Variants in PDLIM3 observed in about 807,000 individuals in gnomAD.
The protein encoded by PDLIM3 is PDZ and LIM domain 3.
In PDLIM3, 36 loss-of-function variants were observed where a neutral mutation model predicts 37.3. The ratio of observed to expected loss-of-function variants is 0.97; its 90% CI spans 0.74 to 1.28. PDLIM3 has a LOEUF of 1.28. Ranked by LOEUF, PDLIM3 falls within the 50% of genes most tolerant of loss-of-function variation. The pLI, the probability that PDLIM3 is intolerant of heterozygous loss-of-function variation, is 0.00. For synonymous variants in PDLIM3, 174 were observed against 182.4 expected, an observed-to-expected ratio of 0.95 and a Z score of 0.37; for missense variants, 454 against 485.0, an observed-to-expected ratio of 0.94 and a Z score of 0.60.
At chr4:185,532,674 TG>T (rs1212820600) in intron 1 of PDLIM3, among the ~76,000 whole-genome samples, 1 of 152,178 alleles carries the variant, frequency 6.6e-6, no homozygotes, top group Non-Finnish European at 1.5e-5. Context: ...GGATAGGAGA[TG>T]GTGAAAAGTC....
rs201237568 is a variant in PDLIM3 at position 185,508,581 on chromosome 4, G to A, written c.399-19C>T. The A allele has an allele frequency of 4.1e-5, 66 of 1,612,444 alleles. 1 individual carries two copies. Among genetic ancestry groups the A allele is most frequent in the African/African-American group, 4.0e-4 (30 of 74,896 alleles). Reference sequence around the variant, plus strand: ...GCATCCACTGTGTTAATGGATACACGTTACACAGAGATGGCACCGGGAGCC... The same window carrying A: ...GCATCCACTGTGTTAATGGATACACATTACACAGAGATGGCACCGGGAGCC... On this transcript the variant is annotated intron_variant, in intron 4 of 7. Transcript: ENST00000284767.
chr4:185,534,657 A>C (rs985964522), intron 1 of PDLIM3, among the ~76,000 whole-genome samples: 3 of 152,252 alleles, frequency 2.0e-5, no homozygotes, highest in African/African-American at 7.2e-5. Context: ...ACTTTGCATC[A>C]GGTAAACTAA....
Position 185,506,833 on chromosome 4 carries a change from T to C in PDLIM3, c.663-181A>G, listed in dbSNP as rs2095698399. 6.7e-6 allele frequency: 4 copies of C among 597,930 alleles called. No individual in the cohort carries two copies. In the South Asian group the frequency reaches 8.5e-5, roughly 13 times the overall value. 37.0% of individuals were successfully genotyped at this position (597,930 alleles called of 1,614,324 possible). A position where few individuals can be genotyped will look rare whatever the true frequency, so the allele number is the denominator to read the frequency against. ...CATAATGTGAATTCAAATGGCTGCC[T>C]TGGAAATGTCATTGAACAACAAATC... On this transcript the variant is annotated intron_variant, in intron 5 of 7. Coordinates refer to ENST00000284767, the MANE Select transcript of PDLIM3 (RefSeq NM_014476.6).
At chr4:185,530,601 A>G (rs1395428784) in intron 1 of PDLIM3, among the ~76,000 whole-genome samples, 1 of 152,172 alleles carries the variant, frequency 6.6e-6, no homozygotes, top group African/African-American at 2.4e-5. Flanking sequence ...GCCTCCCCTT[A>G]TTCACGGTTT....
chr4:185,515,002 T>C (rs1580249814), intron 3 of PDLIM3: 7 of 824,746 alleles, frequency 8.5e-6, no homozygotes, highest in East Asian at 5.5e-5. Flanking sequence ...CACGACGAGA[T>C]TGACGGAAAG....
intron 5 of PDLIM3, chr4:185,507,046 GCACT>G (rs1326064978): frequency 5.8e-6 from 1 of 172,060 alleles, no homozygotes; most frequent in African/African-American, 2.4e-5. Context: ...GCAGCAGTGA[GCACT>G]CAGATTATTC....
At chr4:185,532,168 A>G (rs2095745695) in intron 1 of PDLIM3, among the ~76,000 whole-genome samples, 1 of 152,160 alleles carries the variant, frequency 6.6e-6, no homozygotes, top group African/African-American at 2.4e-5. Flanking sequence ...TTTGTGAAAT[A>G]TTTTTGAGAA....
chr4:185,509,637 G>T (rs764681035), intron 4 of PDLIM3, among the ~76,000 whole-genome samples: 17 of 152,132 alleles, frequency 1.1e-4, no homozygotes, highest in Non-Finnish European at 1.9e-4. Context: ...AAAGCAAAAA[G>T]AAATATTAGT....
At chr4:185,529,303 T>C (rs2095739720) in intron 1 of PDLIM3, among the ~76,000 whole-genome samples, 2 of 152,156 alleles carry the variant, frequency 1.3e-5, no homozygotes, top group Admixed American at 6.5e-5. Context: ...CATCAACTTA[T>C]ATTACTTGGA....
chr4:185,515,083 T>A (rs1334736929), intron 3 of PDLIM3: 1 of 440,206 alleles, frequency 2.3e-6, no homozygotes, highest in African/African-American at 2.0e-5. Context: ...TATTCACCGA[T>A]CAAATGTTAA....
chr4:185,522,156 A>G (rs1312814336), intron 3 of PDLIM3, among the ~76,000 whole-genome samples: 2 of 66,946 alleles, frequency 3.0e-5, no homozygotes, highest in Admixed American at 1.7e-4. Flanking sequence ...CGTAATAGCA[A>G]TGAAGAAGGC....
intron 4 of PDLIM3, among the ~76,000 whole-genome samples, chr4:185,510,044 T>C (rs1200484490): frequency 2.0e-5 from 3 of 152,176 alleles, no homozygotes; most frequent in East Asian, 1.9e-4. Context: ...AATCTGTACA[T>C]TGTTTAGATC....
In PDLIM3 at chr4:185,514,800, C is replaced by A. The variant is rs1356610865; in HGVS notation, c.331-463G>T. The A allele has an allele frequency of 6.4e-7, 1 of 1,551,722 alleles. No homozygotes were observed. The highest frequency in any genetic ancestry group is 8.7e-7 in the Non-Finnish European group (1 of 1,146,986). On this transcript the variant is annotated intron_variant, in intron 3 of 7. Transcript: ENST00000284767. The surrounding 1 kb of genome is among the most constrained non-coding windows in gnomAD (Gnocchi z 4.0). ...AGCCCAATTGGCGAGTTATAGGAAGCGCTCACTACCTGTCTTTTGTCATCA... is the reference window on the plus strand; with the variant it reads ...AGCCCAATTGGCGAGTTATAGGAAGAGCTCACTACCTGTCTTTTGTCATCA...
In PDLIM3 at chr4:185,506,668, G is replaced by T. The variant is rs527271064; in HGVS notation, c.663-16C>A. 2 of 1,601,532 alleles carry T rather than the reference G, an allele frequency of 1.2e-6. No individual in the cohort carries two copies. Among genetic ancestry groups the T allele is most frequent in the Non-Finnish European group, 1.7e-6 (2 of 1,179,616 alleles). On this transcript the variant is annotated splice_polypyrimidine_tract_variant and intron_variant, in intron 5 of 7. Transcript: ENST00000284767. ...TGTGGGCTCGCTGAAACACAGGCAC[G>T]GCGGGGAGCATCGTCAGGTGCTGGG...
intron 1 of PDLIM3, among the ~76,000 whole-genome samples, chr4:185,528,076 A>AAACC (rs1363462128): frequency 6.8e-6 from 1 of 147,834 alleles, no homozygotes; most frequent in Non-Finnish European, 1.5e-5. Context: ...AAAACAAAAC[A>AAACC]AACAAACAAA....
At chr4:185,503,203 G>A (rs970750010) in intron 7 of PDLIM3, among the ~76,000 whole-genome samples, 3 of 151,564 alleles carry the variant, frequency 2.0e-5, no homozygotes, top group Admixed American at 6.6e-5. Flanking sequence ...CAGCCTGGGC[G>A]ACAGAGCGAG....
chr4:185,513,089 T>C (rs2095709177), intron 4 of PDLIM3: 7 of 984,872 alleles, frequency 7.1e-6, no homozygotes, highest in Non-Finnish European at 8.4e-6. Context: ...TTATTGAGCA[T>C]TTATTCTGTC....
At chr4:185,505,250 A>G (rs1426201868) in intron 6 of PDLIM3, among the ~76,000 whole-genome samples, 1 of 152,244 alleles carries the variant, frequency 6.6e-6, no homozygotes, top group African/African-American at 2.4e-5. Context: ...TTGTATGTGT[A>G]TACTACATTT....
At chr4:185,506,816 G>T (rs2095698379) in intron 5 of PDLIM3, 164 bp from the exon 6 acceptor site, 1 of 619,702 alleles carries the variant, frequency 1.6e-6, no homozygotes, top group Non-Finnish European at 2.8e-6. Flanking sequence ...AGCATAATGT[G>T]AATTCAAATG....
Sources: gnomAD v4.1 joint callset for allele counts (sites outside exome capture counted in the v4.1 genomes callset) on GRCh38, gnomAD v4.1.1 for gene constraint, Gnocchi (gnomAD v3.1) non-coding constraint, MANE v1.5 for transcripts, NCBI Gene and HGNC (gene_info 2026-07-23, HGNC 2026-07-21) for gene names.